The following CEP112 variants were observed in gnomAD, a reference collection of about 807,000 sequenced individuals.
The protein encoded by CEP112 is centrosomal protein 112, also known as centrosomal protein of 112 kDa.
CEP112 carries 127 observed loss-of-function variants against 153.0 expected under a neutral mutation model. The observed-to-expected ratio is 0.83, with a 90% CI of 0.72 to 0.96. The LOEUF (loss-of-function observed/expected upper bound fraction) is 0.96. Ranked by LOEUF, CEP112 falls within the 40% of genes least tolerant of loss-of-function variation. CEP112 has a pLI of 0.00. For missense variants in CEP112, 1,089 were observed against 1,101.2 expected, an observed-to-expected ratio of 0.99 and a Z score of 0.16; for synonymous variants, 358 against 374.4, an observed-to-expected ratio of 0.96 and a Z score of 0.51.
At chr17:65,999,227 C>T (rs897820836) in intron 17 of CEP112, among the ~76,000 whole-genome samples, 3 of 146,764 alleles carry the variant, frequency 2.0e-5, no homozygotes, top group Non-Finnish European at 3.0e-5. Context: ...GACGGAGTCT[C>T]GCTCTTTCAC....
At chr17:65,983,152 G>A (rs2063288989) in intron 17 of CEP112, among the ~76,000 whole-genome samples, 1 of 152,164 alleles carries the variant, frequency 6.6e-6, no homozygotes, top group African/African-American at 2.4e-5. Flanking sequence ...GGTAGTCATT[G>A]CACAACAACG....
At chr17:65,969,502 G>C (rs945080699) in intron 17 of CEP112, among the ~76,000 whole-genome samples, 4 of 152,052 alleles carry the variant, frequency 2.6e-5, no homozygotes, top group Non-Finnish European at 4.4e-5. Context: ...CAGGTATACT[G>C]TATTTGCATT....
At chr17:66,185,066 G>A (rs1180248000) in intron 1 of CEP112, among the ~76,000 whole-genome samples, 2 of 152,174 alleles carry the variant, frequency 1.3e-5, no homozygotes, top group Non-Finnish European at 2.9e-5. Context: ...AGCTCATGGG[G>A]ATAGCAGTGG....
At chr17:66,007,238 A>G (rs573551571) in intron 16 of CEP112, among the ~76,000 whole-genome samples, 1 of 152,308 alleles carries the variant, frequency 6.6e-6, no homozygotes, top group South Asian at 2.1e-4. Context: ...AGAGGCAGAG[A>G]AGAAAAAGCA....
chr17:66,034,972 G>GTA (rs1568411138), intron 12 of CEP112, among the ~76,000 whole-genome samples: 2 of 64,692 alleles, frequency 3.1e-5, no homozygotes, highest in Non-Finnish European at 6.0e-5. Context: ...CTAAGTTTTT[G>GTA]CATGTATATA....
intron 8 of CEP112, among the ~76,000 whole-genome samples, chr17:66,079,680 A>G (rs2067642459): frequency 6.6e-6 from 1 of 152,184 alleles, no homozygotes; most frequent in Non-Finnish European, 1.5e-5. Flanking sequence ...TATGCAACCA[A>G]AGAAGAGCCC....
chr17:65,867,013 GA>G (rs1339686060), intron 20 of CEP112, among the ~76,000 whole-genome samples: 1 of 151,900 alleles, frequency 6.6e-6, no homozygotes. Flanking sequence ...GAGAGAAGGA[GA>G]AGAGCTGCAG....
At chr17:66,007,893 AT>A in intron 16 of CEP112, among the ~76,000 whole-genome samples, 1 of 151,872 alleles carries the variant, frequency 6.6e-6, no homozygotes, top group Non-Finnish European at 1.5e-5. Context: ...CAAATCATAC[AT>A]TTTTTTCTTA....
chr17:65,637,106 C>T lies in CEP112; in HGVS notation c.2864+18G>A. The T allele has an allele frequency of 6.2e-7, 1 of 1,605,302 alleles. No individual in the cohort carries two copies. Among genetic ancestry groups the T allele is most frequent in the East Asian group, 2.2e-5 (1 of 44,824 alleles). The stretch of plus-strand genomic sequence containing the variant: ...CACAAACTAATCAGGAGACAAGACA[C>T]CTGCTTATGGGCTGTACCTTCTGCC... On this transcript the variant is annotated intron_variant, in intron 26 of 26. Coordinates refer to ENST00000535342, the MANE Select transcript of CEP112 (RefSeq NM_001199165.4).
intron 18 of CEP112, among the ~76,000 whole-genome samples, chr17:65,952,824 G>A (rs1451923158): frequency 2.0e-5 from 3 of 152,292 alleles, no homozygotes; most frequent in South Asian, 2.1e-4. Flanking sequence ...ACGTGTAGTA[G>A]CATCTCATTT....
At chr17:65,820,037 G>A (rs544259387) in intron 21 of CEP112, among the ~76,000 whole-genome samples, 52 of 152,112 alleles carry the variant, frequency 3.4e-4, no homozygotes, top group African/African-American at 1.2e-3. Flanking sequence ...CTGGGTGAAG[G>A]ACATATGGCA....
chr17:65,694,274 T>C (rs1468022833), intron 23 of CEP112, among the ~76,000 whole-genome samples: 1 of 152,124 alleles, frequency 6.6e-6, no homozygotes, highest in Non-Finnish European at 1.5e-5. Flanking sequence ...GAAGTCCAGA[T>C]AGGCAGGAGG....
At chr17:65,919,258 G>C (rs2060613925) in intron 19 of CEP112, among the ~76,000 whole-genome samples, 1 of 152,126 alleles carries the variant, frequency 6.6e-6, no homozygotes, top group Non-Finnish European at 1.5e-5. Context: ...AAACTACGTT[G>C]CTTTCCCACA....
intron 21 of CEP112, among the ~76,000 whole-genome samples, chr17:65,805,705 T>G (rs2055557114): frequency 6.6e-6 from 1 of 152,216 alleles, no homozygotes; most frequent in Non-Finnish European, 1.5e-5. Flanking sequence ...CTGTACTTCC[T>G]TTTATTTGGC....
chr17:65,967,469 A>G (rs1046457367), intron 17 of CEP112, among the ~76,000 whole-genome samples: 1 of 152,222 alleles, frequency 6.6e-6, no homozygotes, highest in Admixed American at 6.5e-5. Context: ...AATACTATAG[A>G]AAACATAAAA....
At position 65,756,192 on chromosome 17, in the gene CEP112, T is replaced by C. The variant is rs1363373249; in HGVS notation, c.2395-5468A>G. Among the ~76,000 whole-genome samples the C allele has an allele frequency of 2.6e-4, 39 of 151,452 alleles. 1 individual carries two copies. The highest frequency in any genetic ancestry group is 2.6e-3 in the Admixed American group (39 of 15,226). ...GCCAAGGCAGGTGGATCACCTGAGGTCAGGAGTTCGAGACCAGCCTGACCA... is the reference window on the plus strand; with the variant it reads ...GCCAAGGCAGGTGGATCACCTGAGGCCAGGAGTTCGAGACCAGCCTGACCA... On this transcript the variant is annotated intron_variant, in intron 21 of 26. Transcript: ENST00000535342.
At chr17:65,873,138 T>A (rs1225756503) in intron 20 of CEP112, 10 of 152,276 alleles carry the variant, frequency 6.6e-5, no homozygotes, top group Admixed American at 5.9e-4. Context: ...AGGAAGGACA[T>A]ACCCACACTC....
intron 17 of CEP112, among the ~76,000 whole-genome samples, chr17:65,998,388 A>G (rs1209191258): frequency 6.7e-6 from 1 of 150,314 alleles, no homozygotes; most frequent in Non-Finnish European, 1.5e-5. Context: ...GTCTCAAAAA[A>G]AAAAAAAAAA....
At chr17:65,756,545 T>C (rs926681434) in intron 21 of CEP112, among the ~76,000 whole-genome samples, 3 of 151,380 alleles carry the variant, frequency 2.0e-5, no homozygotes, top group Admixed American at 6.6e-5. Context: ...TGAGAATTGA[T>C]CACAGTAGTT....
Sources: gnomAD v4.1 joint callset for allele counts (sites outside exome capture counted in the v4.1 genomes callset) on GRCh38, gnomAD v4.1.1 for gene constraint, MANE v1.5 for transcripts, NCBI Gene and HGNC (gene_info 2026-07-23, HGNC 2026-07-21) for gene names.